NCKAP5: variants seen among roughly 807,000 people sequenced by gnomAD.
NCKAP5 encodes NCK associated protein 5.
Under a neutral mutation model 167.0 loss-of-function variants are expected in NCKAP5, and 92 were observed. The observed-to-expected ratio is 0.55, with a 90% CI of 0.47 to 0.66. The LOEUF (loss-of-function observed/expected upper bound fraction) is 0.66. Among genes scored for constraint, NCKAP5 ranks in the 30% least tolerant of loss-of-function variants. NCKAP5 has a pLI of 0.00. For missense variants in NCKAP5, 2,378 were observed against 2,315.0 expected, an observed-to-expected ratio of 1.03 and a Z score of -0.56; for synonymous variants, 891 against 877.4, an observed-to-expected ratio of 1.02 and a Z score of -0.27.
chr2:133,104,844 C>T (rs4953869), intron 6 of NCKAP5, among the ~76,000 whole-genome samples: 32,219 of 152,118 alleles, frequency 0.21, 3,811 homozygotes, highest in East Asian at 0.52. Flanking sequence ...TGAAGTGTGC[C>T]TTAACCTGCT....
At chr2:132,699,398 T>C (rs575247770) in intron 19 of NCKAP5, among the ~76,000 whole-genome samples, 6 of 152,186 alleles carry the variant, frequency 3.9e-5, no homozygotes, top group Non-Finnish European at 8.8e-5. Context: ...GTTACACATG[T>C]ATACATGTGC....
At chr2:133,669,883 A>G in the NCKAP5 span, among the ~76,000 whole-genome samples, 2 of 152,228 alleles carry the variant, frequency 1.3e-5, no homozygotes, top group African/African-American at 4.8e-5. Flanking sequence ...ATATTCAGCA[A>G]CCTTCAGCAA....
intron 3 of NCKAP5, among the ~76,000 whole-genome samples, chr2:133,315,632 G>GAA (rs60000379): frequency 3.1e-5 from 4 of 130,808 alleles, no homozygotes; most frequent in African/African-American, 1.1e-4. Context: ...GTTGAGAGGA[G>GAA]AAAAAAAAAA....
chr2:133,349,209 T>C (rs1300966622), intron 3 of NCKAP5, among the ~76,000 whole-genome samples: 1 of 152,218 alleles, frequency 6.6e-6, no homozygotes, highest in African/African-American at 2.4e-5. Context: ...GGGGAATCAC[T>C]ATCTTGTTTC....
intron 19 of NCKAP5, among the ~76,000 whole-genome samples, chr2:132,717,823 A>C (rs1357281461): frequency 6.6e-6 from 1 of 152,220 alleles, no homozygotes; most frequent in Non-Finnish European, 1.5e-5. Flanking sequence ...GAGTATCATC[A>C]AGCGGCTGGG....
intron 4 of NCKAP5, among the ~76,000 whole-genome samples, chr2:133,281,758 C>T (rs1190948622): frequency 6.6e-6 from 1 of 152,164 alleles, no homozygotes; most frequent in African/African-American, 2.4e-5. Flanking sequence ...ATCTCAGTGG[C>T]TTGAAACAAA....
chr2:132,920,771 G>GTATATGTA (rs1695334445), intron 8 of NCKAP5, among the ~76,000 whole-genome samples: 1 of 31,570 alleles, frequency 3.2e-5, no homozygotes, highest in Non-Finnish European at 6.5e-5. Context: ...ATATATGTAT[G>GTATATGTA]TATATATATA....
At chr2:132,714,097 A>G (rs1447161232) in intron 19 of NCKAP5, among the ~76,000 whole-genome samples, 1 of 152,216 alleles carries the variant, frequency 6.6e-6, no homozygotes, top group African/African-American at 2.4e-5. Flanking sequence ...GTAAATAATA[A>G]AAAAGGAGAA....
chr2:132,820,682 T>C (rs1558820579), intron 11 of NCKAP5, among the ~76,000 whole-genome samples: 1 of 152,218 alleles, frequency 6.6e-6, no homozygotes, highest in Non-Finnish European at 1.5e-5. Context: ...AGACTGTGGG[T>C]AACACATCCT....
intron 5 of NCKAP5, among the ~76,000 whole-genome samples, chr2:133,191,949 A>G (rs1273941081): frequency 1.3e-5 from 2 of 152,084 alleles, no homozygotes; most frequent in Non-Finnish European, 2.9e-5. Flanking sequence ...TTTTTTAAAT[A>G]TATGCAGGAT....
At chr2:133,367,038 C>T (rs755776934) in intron 3 of NCKAP5, among the ~76,000 whole-genome samples, 8 of 152,198 alleles carry the variant, frequency 5.3e-5, no homozygotes, top group Non-Finnish European at 8.8e-5. Context: ...CCCACACCTT[C>T]AACCTTGAAA....
chr2:133,169,657 G>A (rs751527931), intron 5 of NCKAP5, among the ~76,000 whole-genome samples: 33 of 152,242 alleles, frequency 2.2e-4, no homozygotes, highest in Non-Finnish European at 4.0e-4. Flanking sequence ...GCTCCCACTC[G>A]CAGTTATTAG....
At chr2:133,077,259 T>A (rs1188287774) in intron 6 of NCKAP5, among the ~76,000 whole-genome samples, 1 of 152,192 alleles carries the variant, frequency 6.6e-6, no homozygotes, top group African/African-American at 2.4e-5. Context: ...ATCTCAAAAT[T>A]ATGGCATCAT....
chr2:133,360,054 C>G (rs1180699241), intron 3 of NCKAP5, among the ~76,000 whole-genome samples: 1 of 152,096 alleles, frequency 6.6e-6, no homozygotes, highest in Admixed American at 6.5e-5. Context: ...TCTTGTCTGA[C>G]CGCCCCACCA....
intron 3 of NCKAP5, among the ~76,000 whole-genome samples, chr2:133,375,914 G>T (rs926444389): frequency 1.3e-5 from 2 of 152,146 alleles, no homozygotes; most frequent in African/African-American, 2.4e-5. Context: ...TCAAAAATGG[G>T]AAATGGGTCC....
At chr2:132,697,029 A>G (rs1687386744) in intron 19 of NCKAP5, among the ~76,000 whole-genome samples, 1 of 46 alleles carries the variant, frequency 0.022, no homozygotes, top group African/African-American at 0.062. Context: ...TTGGGACTAC[A>G]GGCATGTGCA....
chr2:132,787,873 C>G (rs192212388), intron 13 of NCKAP5, among the ~76,000 whole-genome samples: 99 of 152,246 alleles, frequency 6.5e-4, no homozygotes, highest in African/African-American at 2.2e-3. Context: ...AAGTACCCCA[C>G]AAGAGCTTGA....
intron 7 of NCKAP5, among the ~76,000 whole-genome samples, chr2:132,985,246 G>C (rs184663834): frequency 6.6e-6 from 1 of 152,164 alleles, no homozygotes; most frequent in Admixed American, 6.5e-5. Context: ...ACAGAATTTA[G>C]GTAGAAATTG....
chr2:133,532,168 G>C (rs1454967044), intron 2 of NCKAP5, among the ~76,000 whole-genome samples: 3 of 152,198 alleles, frequency 2.0e-5, no homozygotes, highest in African/African-American at 4.8e-5. Flanking sequence ...GCTGATAAGA[G>C]AATTCTAGTT....
Sources: allele counts gnomAD v4.1 joint callset (sites outside exome capture counted in the v4.1 genomes callset), GRCh38; gene constraint gnomAD v4.1.1; transcripts MANE v1.5; gene names NCBI Gene and HGNC (gene_info 2026-07-23, HGNC 2026-07-21).